Variants in CPNE8 observed in about 807,000 individuals in gnomAD.
The protein encoded by CPNE8 is copine-8.
A neutral mutation model predicts 81.5 loss-of-function variants in CPNE8; 45 were observed. That is an observed-to-expected ratio of 0.55 (90% CI 0.44 to 0.71). The LOEUF is 0.71. CPNE8 is among the 30% of genes least tolerant of loss of function. The pLI, the probability that CPNE8 is intolerant of heterozygous loss-of-function variation, is 0.00. For missense variants in CPNE8, 594 were observed against 672.1 expected (o/e 0.88, Z 1.28); for synonymous variants, 252 against 226.3 (o/e 1.11, Z -1.02).
intron 10 of CPNE8, among the ~76,000 whole-genome samples, chr12:38,760,231 A>G (rs1941544590): frequency 6.6e-6 from 1 of 152,110 alleles, no homozygotes; most frequent in Non-Finnish European, 1.5e-5. Flanking sequence ...TTGGCTTAAG[A>G]TCATTTTACA....
At chr12:38,723,659 C>A in intron 13 of CPNE8, 113 bp downstream of exon 13, 1 of 727,142 alleles carries the variant, frequency 1.4e-6, no homozygotes, top group East Asian at 2.5e-5. Flanking sequence ...ATAGGCTTGC[C>A]ATCAAAATAT....
intron 10 of CPNE8, among the ~76,000 whole-genome samples, chr12:38,739,011 C>T (rs1297184047): frequency 6.6e-6 from 1 of 151,832 alleles, no homozygotes; most frequent in Non-Finnish European, 1.5e-5. Flanking sequence ...TGGGGTTTCA[C>T]CATGTGGGCC....
intron 13 of CPNE8, among the ~76,000 whole-genome samples, chr12:38,721,712 A>C (rs999484835): frequency 1.3e-5 from 2 of 152,222 alleles, no homozygotes; most frequent in Non-Finnish European, 2.9e-5. Flanking sequence ...GGGGGAGCCC[A>C]GACCTGGGAG....
At chr12:38,879,985 T>C (rs1944127472) in intron 1 of CPNE8, among the ~76,000 whole-genome samples, 1 of 152,236 alleles carries the variant, frequency 6.6e-6, no homozygotes, top group African/African-American at 2.4e-5. Flanking sequence ...GCAATTTTTC[T>C]ATTTAATTTT....
intron 3 of CPNE8, among the ~76,000 whole-genome samples, chr12:38,869,000 A>T (rs1286044939): frequency 6.6e-6 from 1 of 152,162 alleles, no homozygotes; most frequent in Non-Finnish European, 1.5e-5. Flanking sequence ...ATCACATGAA[A>T]CTGCCAAGAT....
At chr12:38,812,467 A>G (rs1176248650) in intron 6 of CPNE8, among the ~76,000 whole-genome samples, 1 of 152,186 alleles carries the variant, frequency 6.6e-6, no homozygotes, top group Non-Finnish European at 1.5e-5. Flanking sequence ...AGAAGTGCCA[A>G]GGAAAAAAAG....
intron 15 of CPNE8, among the ~76,000 whole-genome samples, chr12:38,689,663 T>C (rs1320245500): frequency 6.6e-6 from 1 of 152,248 alleles, no homozygotes; most frequent in African/African-American, 2.4e-5. Context: ...TACATTTGTA[T>C]AAATGCCAAA....
intron 4 of CPNE8, among the ~76,000 whole-genome samples, chr12:38,842,611 T>C (rs1296976882): frequency 6.8e-6 from 1 of 146,452 alleles, no homozygotes; most frequent in African/African-American, 2.5e-5. Context: ...AGTCTCACTC[T>C]GTTGCCCAGG....
chr12:38,724,354 GGAT>G (rs1940642954), intron 12 of CPNE8, among the ~76,000 whole-genome samples: 1 of 66,256 alleles, frequency 1.5e-5, no homozygotes, highest in Non-Finnish European at 3.0e-5. Flanking sequence ...TCTTAAAATA[GGAT>G]GATATTGATT....
At chr12:38,758,382 T>C (rs1324450967) in intron 10 of CPNE8, among the ~76,000 whole-genome samples, 1 of 152,154 alleles carries the variant, frequency 6.6e-6, no homozygotes, top group Non-Finnish European at 1.5e-5. Context: ...AAAATTATGT[T>C]AGATTGTTTC....
intron 3 of CPNE8, among the ~76,000 whole-genome samples, chr12:38,867,339 T>TGTGTGTGTGAGA (rs942285728): frequency 3.3e-5 from 4 of 122,096 alleles, no homozygotes; most frequent in African/African-American, 1.3e-4. Flanking sequence ...TGTGTGTGTG[T>TGTGTGTGTGAGA]GAGAGAGAGA....
intron 1 of CPNE8, among the ~76,000 whole-genome samples, chr12:38,893,472 T>C (rs1944342061): frequency 7.6e-6 from 1 of 131,782 alleles, no homozygotes; most frequent in South Asian, 2.5e-4. Flanking sequence ...TTACCCTCTA[T>C]GTTCTAAAAA....
At chr12:38,702,350 G>A (rs540668028) in intron 14 of CPNE8, among the ~76,000 whole-genome samples, 33 of 152,056 alleles carry the variant, frequency 2.2e-4, no homozygotes, top group African/African-American at 6.7e-4. Flanking sequence ...TTATATATCC[G>A]TCCCTCTGAG....
At chr12:38,906,570 C>T (rs1944574800), upstream of CPNE8, 1 of 985,476 alleles carries the variant, frequency 1.0e-6, no homozygotes, top group Admixed American at 6.2e-5. Context: ...GACTCCCACC[C>T]GCAAGAACTG....
At chr12:38,812,994 A>C (rs1026842740) in intron 6 of CPNE8, among the ~76,000 whole-genome samples, 8 of 152,230 alleles carry the variant, frequency 5.3e-5, no homozygotes, top group Admixed American at 2.0e-4. Context: ...CATAGGGAGC[A>C]GATACATTGT....
rs147063747 is a variant in CPNE8 at position 38,880,145 on chromosome 12, G to C, written c.99-5634C>G. Among the ~76,000 whole-genome samples the C allele has an allele frequency of 8.0e-3, 1,220 of 152,372 alleles. 12 individuals are homozygous for C. The highest frequency in any genetic ancestry group is 0.015 in the Admixed American group (237 of 15,312). The stretch of plus-strand genomic sequence containing the variant: ...AGAATAAATTTTCCACATGTGGACA[G>C]AGACCAGTATCTCTGAATCATAATG... On this transcript the variant is annotated intron_variant, in intron 1 of 19. Coordinates refer to ENST00000331366, the MANE Select transcript of CPNE8 (RefSeq NM_153634.3).
At chr12:38,850,466 G>A (rs908034207) in intron 3 of CPNE8, among the ~76,000 whole-genome samples, 2 of 152,124 alleles carry the variant, frequency 1.3e-5, no homozygotes, top group Non-Finnish European at 2.9e-5. Flanking sequence ...TCAGCAATAG[G>A]AGTGACTGAG....
intron 6 of CPNE8, among the ~76,000 whole-genome samples, chr12:38,809,764 T>G (rs1261341694): frequency 6.6e-6 from 1 of 152,180 alleles, no homozygotes. Flanking sequence ...ATCTAAATCC[T>G]TTAAATCACA....
chr12:38,668,012 G>A (rs750823576), intron 19 of CPNE8, among the ~76,000 whole-genome samples: 39 of 151,948 alleles, frequency 2.6e-4, no homozygotes, highest in Non-Finnish European at 4.7e-4. Flanking sequence ...TTGGCCAGGC[G>A]GGTCTTGAAC....
Sources: allele counts gnomAD v4.1 joint callset (sites outside exome capture counted in the v4.1 genomes callset), GRCh38; gene constraint gnomAD v4.1.1; transcripts MANE v1.5; gene names NCBI Gene and HGNC (gene_info 2026-07-23, HGNC 2026-07-21).